Variants in ERCC1 observed in about 807,000 individuals in gnomAD.
ERCC1 encodes the protein ERCC excision repair 1, endonuclease non-catalytic subunit.
In ERCC1, 36 loss-of-function variants were observed where a neutral mutation model predicts 37.6. That is an observed-to-expected ratio of 0.96 (90% CI 0.73 to 1.26). The LOEUF (loss-of-function observed/expected upper bound fraction) is 1.26. ERCC1 is among the 50% of genes most tolerant of loss of function. ERCC1 has a pLI of 0.00. For missense variants in ERCC1, 349 were observed against 376.5 expected (o/e 0.93, Z 0.60); for synonymous variants, 156 against 162.1 (o/e 0.96, Z 0.28).
upstream of ERCC1, among the ~76,000 whole-genome samples, chr19:45,427,365 T>C (rs1386057189): frequency 6.6e-6 from 1 of 152,076 alleles, no homozygotes; most frequent in African/African-American, 2.4e-5. Context: ...ATCTCGGCAC[T>C]TTGGGAGGCC....
intron 7 of ERCC1, 99 bp from the exon 8 acceptor site, chr19:45,414,133 C>G: frequency 1.1e-6 from 1 of 933,854 alleles, no homozygotes; most frequent in East Asian, 2.4e-5. Context: ...CCCAGACTGC[C>G]TGGCGTGCAG....
chr19:45,433,718 A>C (rs1351610053), intron 1 of ERCC1, among the ~76,000 whole-genome samples: 1 of 151,942 alleles, frequency 6.6e-6, no homozygotes, highest in Non-Finnish European at 1.5e-5. Flanking sequence ...TCAATGAACT[A>C]ACAATCATAC....
In ERCC1 at chr19:45,423,860, G is replaced by C; in HGVS notation, c.-87C>G. The C allele has an allele frequency of 8.9e-7, 1 of 1,118,772 alleles. No individual in the cohort carries two copies. Among genetic ancestry groups the C allele is most frequent in the Non-Finnish European group, 1.1e-6 (1 of 908,714 alleles). The allele number at this position is 1,118,772 out of a possible 1,614,324, so 69.3% of individuals were successfully genotyped here. A position where few individuals can be genotyped will look rare whatever the true frequency, so the allele number is the denominator to read the frequency against. On this transcript the variant is annotated 5_prime_UTR_variant, in exon 1 of 10. Coordinates refer to ENST00000300853, the MANE Select transcript of ERCC1 (RefSeq NM_001983.4). ...GAGCCTCAAGGGAAAGACTGCAGAG[G>C]GATCGAGGCGGCCCACTGCCAGCAC... is the stretch of plus-strand genomic sequence containing the variant.
At chr19:45,411,692 G>A (rs971317456) in intron 9 of ERCC1, among the ~76,000 whole-genome samples, 1 of 151,946 alleles carries the variant, frequency 6.6e-6, no homozygotes, top group South Asian at 2.1e-4. Flanking sequence ...TACTCAGGAG[G>A]CTGAGGCAGG....
rs1439845779 is a variant in ERCC1 at position 45,407,986 on chromosome 19, G to A, written c.*1689C>T. The stretch of plus-strand genomic sequence containing the variant: ...GGAGAATCGCTTGAACCCAGGAGGT[G>A]GACATTGCAGTGAGCCGAGATCATG... On this transcript the variant is annotated 3_prime_UTR_variant, in exon 10 of 10. Coordinates refer to ENST00000300853, the MANE Select transcript of ERCC1 (RefSeq NM_001983.4). The A allele has an allele frequency of 2.9e-6, 3 of 1,037,996 alleles. No individual in the cohort carries two copies. The African/African-American group carries it at 4.8e-5, about 17-fold the overall frequency. The allele number at this position is 1,037,996 out of a possible 1,614,324, so 64.3% of individuals were successfully genotyped here.
intron 1 of ERCC1, among the ~76,000 whole-genome samples, chr19:45,435,602 A>G (rs1336215586): frequency 3.9e-5 from 6 of 152,114 alleles, no homozygotes; most frequent in Non-Finnish European, 8.8e-5. Flanking sequence ...AGCTGGGACT[A>G]TAGGTGTGCA....
chr19:45,426,849 C>G (rs1209258784), upstream of ERCC1, among the ~76,000 whole-genome samples: 1 of 146,526 alleles, frequency 6.8e-6, no homozygotes, highest in Non-Finnish European at 1.5e-5. Flanking sequence ...AATCCCAGCA[C>G]TTTGGAAAGC....
intron 1 of ERCC1, among the ~76,000 whole-genome samples, chr19:45,431,920 A>T (rs1253325688): frequency 6.6e-6 from 1 of 152,074 alleles, no homozygotes; most frequent in African/African-American, 2.4e-5. Context: ...TTTGGAAAAC[A>T]TGGTTATTTT....
intron 1 of ERCC1, among the ~76,000 whole-genome samples, chr19:45,442,776 AGAAC>A (rs1417260950): frequency 6.6e-6 from 1 of 152,246 alleles, no homozygotes; most frequent in Non-Finnish European, 1.5e-5. Flanking sequence ...GGCATCTTCC[AGAAC>A]CTTCTGATGG....
At chr19:45,437,147 G>A (rs1348126412) in intron 1 of ERCC1, among the ~76,000 whole-genome samples, 1 of 152,064 alleles carries the variant, frequency 6.6e-6, no homozygotes, top group Non-Finnish European at 1.5e-5. Context: ...TACTCAGGAG[G>A]CTGAGGGAGG....
At chr19:45,418,377 A>C (rs769594991) in intron 5 of ERCC1, among the ~76,000 whole-genome samples, 102 of 151,972 alleles carry the variant, frequency 6.7e-4, no homozygotes, top group Non-Finnish European at 8.8e-4. Flanking sequence ...ATCAATCAAT[A>C]AAAATTAGCA....
At chr19:45,418,320 G>A (rs958141977) in intron 5 of ERCC1, among the ~76,000 whole-genome samples, 11 of 152,320 alleles carry the variant, frequency 7.2e-5, no homozygotes, top group Admixed American at 2.6e-4. Flanking sequence ...CTACACTCCA[G>A]TCTGGGCGAA....
chr19:45,444,635 T>G (rs1975213409), intron 1 of ERCC1, among the ~76,000 whole-genome samples: 1 of 151,860 alleles, frequency 6.6e-6, no homozygotes, highest in South Asian at 2.1e-4. Context: ...GAGCAAGAAA[T>G]TCGGAGACAT....
rs1421475430 is a variant in ERCC1 at position 45,409,056 on chromosome 19, C to T, written c.*619G>A. ...AAGCCTCTGGAGTCCCCAGGGGGGA[C>T]CATGGCGCCTCAACAGCCAGAAGGA... On this transcript the variant is annotated 3_prime_UTR_variant, in exon 10 of 10. Coordinates refer to ENST00000300853, the MANE Select transcript of ERCC1 (RefSeq NM_001983.4). 6.2e-7 allele frequency: 1 copy of T among 1,613,656 alleles called. No individual in the cohort carries two copies. The highest frequency in any genetic ancestry group is 8.5e-7 in the Non-Finnish European group (1 of 1,179,712).
chr19:45,441,111 C>CA (rs1468874515), intron 1 of ERCC1, among the ~76,000 whole-genome samples: 2 of 152,226 alleles, frequency 1.3e-5, no homozygotes, highest in African/African-American at 2.4e-5. Context: ...TGGGAACAGT[C>CA]AGAACTCTGT....
rs912204246 is a variant in ERCC1, at chr19:45,417,036, G to A, written c.526-139C>T. 2.5e-5 allele frequency: 17 copies of A among 692,612 alleles called. No individual in the cohort carries two copies. The African/African-American group carries it at 2.5e-4, about 10-fold the overall frequency. The allele number at this position is 692,612 out of a possible 1,614,324, so 42.9% of individuals were successfully genotyped here. ...TGCTTGAACCCGGGAGGCAGACGTTGCAGTGAGCCAAGATCGCGCCACTGC... is the reference window on the plus strand; with the variant it reads ...TGCTTGAACCCGGGAGGCAGACGTTACAGTGAGCCAAGATCGCGCCACTGC... On this transcript the variant is annotated intron_variant, in intron 5 of 9. Transcript: ENST00000300853.
chr19:45,412,355 C>T (rs1033186318), intron 9 of ERCC1, among the ~76,000 whole-genome samples: 3 of 151,658 alleles, frequency 2.0e-5, no homozygotes, highest in Admixed American at 6.6e-5. Context: ...GATGGGGTTT[C>T]GCCATGTTGG....
chr19:45,416,734 GA>G, intron 6 of ERCC1, 86 bp downstream of exon 6: 2 of 968,292 alleles, frequency 2.1e-6, no homozygotes, highest in East Asian at 4.9e-5. Flanking sequence ...ACAGGAAGGA[GA>G]AGGGAAGGGC....
chr19:45,440,071 T>C (rs1347200519), intron 1 of ERCC1, among the ~76,000 whole-genome samples: 1 of 151,942 alleles, frequency 6.6e-6, no homozygotes, highest in African/African-American at 2.4e-5. Context: ...CAGGCGCCGC[T>C]GTCCCCAGCG....
Sources: gnomAD v4.1 joint callset for allele counts (sites outside exome capture counted in the v4.1 genomes callset) on GRCh38, gnomAD v4.1.1 for gene constraint, MANE v1.5 for transcripts, NCBI Gene and HGNC (gene_info 2026-07-23, HGNC 2026-07-21) for gene names.